Variants in ADAMTS19 observed in about 807,000 individuals in gnomAD.
ADAMTS19 encodes ADAM metallopeptidase with thrombospondin type 1 motif 19.
Under a neutral mutation model 153.3 loss-of-function variants are expected in ADAMTS19, and 93 were observed. The observed-to-expected ratio is 0.61, with a 90% confidence interval of 0.51 to 0.72. The LOEUF is 0.72. Ranked by LOEUF, ADAMTS19 falls within the 30% of genes least tolerant of loss-of-function variation. The pLI, the probability that ADAMTS19 is intolerant of heterozygous loss-of-function variation, is 0.00. For missense variants in ADAMTS19, 1,482 were observed against 1,552.1 expected, an observed-to-expected ratio of 0.95 and a Z score of 0.76; for synonymous variants, 600 against 556.6, an observed-to-expected ratio of 1.08 and a Z score of -1.10.
chr5:129,613,247 A>G (rs1313771638), intron 8 of ADAMTS19, among the ~76,000 whole-genome samples: 7 of 152,206 alleles, frequency 4.6e-5, no homozygotes, highest in Non-Finnish European at 1.5e-5. Context: ...TCTCAGCACC[A>G]CATCACACTT....
intron 2 of ADAMTS19, among the ~76,000 whole-genome samples, chr5:129,471,565 CT>C (rs1424289272): frequency 6.6e-6 from 1 of 151,684 alleles, no homozygotes; most frequent in Non-Finnish European, 1.5e-5. Context: ...TTTTTTTAAA[CT>C]TTCAAGTTCA....
At chr5:129,585,716 A>G (rs1429086637) in intron 7 of ADAMTS19, among the ~76,000 whole-genome samples, 2 of 152,148 alleles carry the variant, frequency 1.3e-5, no homozygotes, top group Non-Finnish European at 2.9e-5. Context: ...AAACATTCTT[A>G]TGGTACCTGT....
At chr5:129,720,175 T>TATATATATATATATATA (rs1184615168) in intron 21 of ADAMTS19, among the ~76,000 whole-genome samples, 4 of 116,516 alleles carry the variant, frequency 3.4e-5, no homozygotes, top group African/African-American at 2.1e-4. Flanking sequence ...TATATATTTA[T>TATATATATATATATATA]TTTTTTTTTT....
chr5:129,693,101 G>A (rs899112685), intron 18 of ADAMTS19, among the ~76,000 whole-genome samples: 1 of 152,128 alleles, frequency 6.6e-6, no homozygotes, highest in African/African-American at 2.4e-5. Flanking sequence ...GTATACAAAT[G>A]CAGTTATGTT....
chr5:129,562,489 T>G (rs1753557868), intron 7 of ADAMTS19, among the ~76,000 whole-genome samples: 1 of 152,178 alleles, frequency 6.6e-6, no homozygotes, highest in Non-Finnish European at 1.5e-5. Context: ...GTTTTAACTT[T>G]GTATATACCT....
intron 3 of ADAMTS19, among the ~76,000 whole-genome samples, chr5:129,511,829 G>A (rs565662023): frequency 6.4e-4 from 98 of 152,008 alleles, no homozygotes; most frequent in Admixed American, 6.4e-3. Context: ...TACAAAATGG[G>A]AATAGTGATA....
chr5:129,545,864 G>T (rs1455158074), intron 6 of ADAMTS19, among the ~76,000 whole-genome samples: 1 of 150,284 alleles, frequency 6.7e-6, no homozygotes, highest in Non-Finnish European at 1.5e-5. Flanking sequence ...AATACCATCT[G>T]ACCCAGCCAT....
intron 4 of ADAMTS19, 124 bp downstream of exon 4, chr5:129,526,580 A>G (rs1188512163): frequency 8.4e-6 from 8 of 949,204 alleles, no homozygotes; most frequent in South Asian, 2.1e-5. Flanking sequence ...TATTGTCATC[A>G]GTAAAAAAAT....
intron 16 of ADAMTS19, among the ~76,000 whole-genome samples, chr5:129,671,374 G>T (rs1310848402): frequency 6.6e-6 from 1 of 152,094 alleles, no homozygotes; most frequent in Non-Finnish European, 1.5e-5. Flanking sequence ...ATGGATGAGG[G>T]GCAAATTTGG....
chr5:129,726,388 G>C (rs1158843021), intron 21 of ADAMTS19, among the ~76,000 whole-genome samples: 1 of 152,106 alleles, frequency 6.6e-6, no homozygotes, highest in Non-Finnish European at 1.5e-5. Context: ...TTTCCCATTT[G>C]CTGGCAAATT....
chr5:129,460,381 G>C lies in ADAMTS19; in HGVS notation c.-11G>C, dbSNP rs1208377690. The C allele has an allele frequency of 3.7e-6, 6 of 1,612,156 alleles. 1 individual carries two copies. The highest frequency in any genetic ancestry group is 1.1e-5 in the South Asian group (1 of 91,046). Reference sequence around the variant, plus strand: ...GCGCCGGGCGAGAAGCCGCGGCCGCGGGAGCGCAGTATGGGGAAGAACCGC... The same window carrying C: ...GCGCCGGGCGAGAAGCCGCGGCCGCCGGAGCGCAGTATGGGGAAGAACCGC... On this transcript the variant is annotated 5_prime_UTR_variant, in exon 1 of 23. Transcript: ENST00000274487.
chr5:129,509,375 G>A (rs1751363015), intron 3 of ADAMTS19, 133 bp downstream of exon 3: 1 of 835,174 alleles, frequency 1.2e-6, no homozygotes, highest in Non-Finnish European at 1.8e-6. Flanking sequence ...ACAATTAAAT[G>A]TATCAATTAT....
chr5:129,498,479 C>T (rs943205691), intron 2 of ADAMTS19, among the ~76,000 whole-genome samples: 1 of 151,842 alleles, frequency 6.6e-6, no homozygotes, highest in African/African-American at 2.4e-5. Context: ...AGTATTATAG[C>T]TATATTACTT....
intron 15 of ADAMTS19, among the ~76,000 whole-genome samples, chr5:129,664,485 T>C (rs1213045442): frequency 6.6e-6 from 1 of 152,150 alleles, no homozygotes; most frequent in East Asian, 1.9e-4. Flanking sequence ...TAAACAGTGT[T>C]CTTGAATGGA....
rs143962213 is a variant in ADAMTS19, at chr5:129,669,784, T to C, written c.2506+4205T>C. On this transcript the variant is annotated intron_variant, in intron 16 of 22. Transcript: ENST00000274487. ...GGCTTTGGCATGTTGAGTTTTCATT[T>C]GTCTCCAGATAATTTCTAATTCCCC... 3.3e-5 allele frequency among the ~76,000 whole-genome samples: 5 copies of C among 152,244 alleles called. No individual in the cohort carries two copies. The East Asian group carries it at 9.7e-4, about 29-fold the overall frequency.
intron 21 of ADAMTS19, among the ~76,000 whole-genome samples, chr5:129,728,373 A>T (rs13175897): frequency 0.046 from 6,920 of 152,042 alleles, 190 homozygotes; most frequent in African/African-American, 0.073. Context: ...TTCTTTTTTT[A>T]AATTATACTT....
At chr5:129,555,695 A>G (rs923608555) in intron 7 of ADAMTS19, among the ~76,000 whole-genome samples, 5 of 152,100 alleles carry the variant, frequency 3.3e-5, no homozygotes, top group African/African-American at 1.2e-4. Context: ...CCCCATGGAG[A>G]GGTTACAGAT....
chr5:129,535,001 C>G (rs952223131), intron 6 of ADAMTS19, among the ~76,000 whole-genome samples: 1 of 152,114 alleles, frequency 6.6e-6, no homozygotes, highest in Non-Finnish European at 1.5e-5. Flanking sequence ...TGAAAACTGG[C>G]ACAAGACAGG....
chr5:129,615,236 C>T (rs1751455280), intron 8 of ADAMTS19, among the ~76,000 whole-genome samples: 1 of 152,018 alleles, frequency 6.6e-6, no homozygotes. Context: ...CAAGACAACC[C>T]TAAGCCAAAA....
Sources: allele counts gnomAD v4.1 joint callset (sites outside exome capture counted in the v4.1 genomes callset), GRCh38; gene constraint gnomAD v4.1.1; transcripts MANE v1.5; gene names NCBI Gene and HGNC (gene_info 2026-07-23, HGNC 2026-07-21).